Variants in MMP26 observed in about 807,000 individuals in gnomAD.
MMP26 encodes the protein matrix metalloproteinase-26.
MMP26 carries 33 observed loss-of-function variants against 31.0 expected under a neutral mutation model. That is an observed-to-expected ratio of 1.06 (90% CI 0.81 to 1.42). The LOEUF (loss-of-function observed/expected upper bound fraction) is 1.42. MMP26 is among the 40% of genes most tolerant of loss of function. The probability of loss-of-function intolerance (pLI) is 0.00; values close to 1 mark genes in which losing one functional copy is unlikely to be tolerated. For missense variants in MMP26, 347 were observed against 316.1 expected, an observed-to-expected ratio of 1.10 and a Z score of -0.74; for synonymous variants, 122 against 114.9, an observed-to-expected ratio of 1.06 and a Z score of -0.40.
chr11:4,768,574 C>T (rs1172417901), intron 2 of MMP26, among the ~76,000 whole-genome samples: 2 of 152,176 alleles, frequency 1.3e-5, no homozygotes, highest in Non-Finnish European at 1.5e-5. Flanking sequence ...TCATGTTATT[C>T]ACATGGCCTT....
intron 2 of MMP26, chr11:4,794,277 T>C (rs1849074359): frequency 6.6e-6 from 1 of 152,088 alleles, no homozygotes; most frequent in Non-Finnish European, 1.5e-5. Flanking sequence ...AGAAACACAC[T>C]CACCTGTCCA....
intron 2 of MMP26, among the ~76,000 whole-genome samples, chr11:4,942,089 C>CAAAAAAAAAAAGAAAAAAA (rs1846216870): frequency 2.7e-5 from 1 of 37,120 alleles, no homozygotes; most frequent in Non-Finnish European, 5.2e-5. Context: ...GAGTCCATCT[C>CAAAAAAAAAAAGAAAAAAA]AAAAAAAAAA....
intron 1 of MMP26, among the ~76,000 whole-genome samples, chr11:4,729,892 T>A (rs1848150464): frequency 6.6e-6 from 1 of 151,898 alleles, no homozygotes. Context: ...TGATGCATCG[T>A]AAAGTTAAGT....
intron 6 of MMP26, 77 bp downstream of exon 6, chr11:4,991,573 A>G (rs1279760653): frequency 9.6e-6 from 15 of 1,560,322 alleles, no homozygotes; most frequent in Non-Finnish European, 1.2e-5. Flanking sequence ...CCATTTAGGG[A>G]TCCAGAGTGG....
chr11:4,936,290 C>T (rs1385242579), intron 2 of MMP26, among the ~76,000 whole-genome samples: 1 of 150,978 alleles, frequency 6.6e-6, no homozygotes, highest in East Asian at 2.0e-4. Context: ...TCAACTTCTT[C>T]CTGGTTTAGT....
intron 2 of MMP26, among the ~76,000 whole-genome samples, chr11:4,920,243 AC>A (rs760134064): frequency 3.3e-5 from 5 of 152,014 alleles, no homozygotes; most frequent in Non-Finnish European, 7.4e-5. Flanking sequence ...TTATTCAGAG[AC>A]CTTTGCCAGC....
At chr11:4,935,442 G>T (rs1336462195) in intron 2 of MMP26, among the ~76,000 whole-genome samples, 7 of 151,616 alleles carry the variant, frequency 4.6e-5, no homozygotes, top group South Asian at 2.1e-4. Flanking sequence ...CTGAGACTTT[G>T]CTGAAGTTGC....
chr11:4,893,677 T>G (rs1018923773), intron 2 of MMP26, among the ~76,000 whole-genome samples: 1 of 152,190 alleles, frequency 6.6e-6, no homozygotes, highest in Non-Finnish European at 1.5e-5. Flanking sequence ...CTCTGCCACA[T>G]AGTAGACCTT....
chr11:4,729,768 A>G (rs953605229), intron 1 of MMP26, among the ~76,000 whole-genome samples: 3 of 152,060 alleles, frequency 2.0e-5, no homozygotes, highest in Non-Finnish European at 4.4e-5. Flanking sequence ...TTCTCTGTCA[A>G]AAGTGCAAAT....
chr11:4,924,286 G>C (rs1474736198), intron 2 of MMP26: 1 of 1,613,624 alleles, frequency 6.2e-7, no homozygotes, highest in South Asian at 1.1e-5. Context: ...GACCTTGGAA[G>C]CCCGTCAGGA....
At chr11:4,874,374 T>C (rs2133529721) in intron 2 of MMP26, among the ~76,000 whole-genome samples, 1 of 152,230 alleles carries the variant, frequency 6.6e-6, no homozygotes, top group African/African-American at 2.4e-5. Context: ...GCTCTCTGTC[T>C]TTTGTGTGTA....
intron 2 of MMP26, among the ~76,000 whole-genome samples, chr11:4,795,843 GGAGAGA>G (rs142600384): frequency 7.7e-5 from 11 of 142,238 alleles, no homozygotes; most frequent in South Asian, 4.6e-4. Context: ...AGAGAGAGAG[GGAGAGA>G]GAGAGAGAGA....
chr11:4,779,940 T>A (rs1030722), intron 2 of MMP26, among the ~76,000 whole-genome samples: 14,423 of 152,156 alleles, frequency 0.095, 856 homozygotes, highest in Middle Eastern at 0.15. Flanking sequence ...TGAATTAAAC[T>A]GTACATACAT....
chr11:4,755,872 G>A (rs1007531677), intron 1 of MMP26, among the ~76,000 whole-genome samples: 1 of 151,934 alleles, frequency 6.6e-6, no homozygotes, highest in African/African-American at 2.4e-5. Flanking sequence ...AAAAATACTA[G>A]CATAAATCTT....
chr11:4,816,517 A>G (rs189054135), intron 2 of MMP26, among the ~76,000 whole-genome samples: 2 of 152,164 alleles, frequency 1.3e-5, no homozygotes, highest in African/African-American at 4.8e-5. Context: ...GATAATTAAA[A>G]AAAAAAGCTT....
intron 1 of MMP26, among the ~76,000 whole-genome samples, chr11:4,763,355 A>G (rs2133412644): frequency 6.6e-6 from 1 of 152,356 alleles, no homozygotes; most frequent in East Asian, 1.9e-4. Flanking sequence ...TCAAATAGAA[A>G]TTAAAACAGA....
At chr11:4,966,590 C>G (rs1846598201) in intron 2 of MMP26, among the ~76,000 whole-genome samples, 1 of 152,160 alleles carries the variant, frequency 6.6e-6, no homozygotes, top group African/African-American at 2.4e-5. Context: ...CTGAGTAGAA[C>G]TTGGTCAAGG....
intron 2 of MMP26, among the ~76,000 whole-genome samples, chr11:4,932,930 G>A (rs1199204469): frequency 1.3e-5 from 2 of 152,032 alleles, no homozygotes; most frequent in African/African-American, 4.8e-5. Context: ...AAAGTTCATT[G>A]CCTTGTTTAC....
chr11:4,974,966 G>A (rs1021626497), intron 2 of MMP26, among the ~76,000 whole-genome samples: 2 of 151,926 alleles, frequency 1.3e-5, no homozygotes, highest in Non-Finnish European at 2.9e-5. Flanking sequence ...GGTTGAGGTG[G>A]GGGGAGGGAG....
Sources: gnomAD v4.1 joint callset for allele counts (sites outside exome capture counted in the v4.1 genomes callset) on GRCh38, gnomAD v4.1.1 for gene constraint, MANE v1.5 for transcripts, NCBI Gene and HGNC (gene_info 2026-07-23, HGNC 2026-07-21) for gene names.